Variants in GHR observed in about 807,000 individuals in gnomAD.
GHR encodes the protein growth hormone receptor.
A neutral mutation model predicts 67.1 loss-of-function variants in GHR; 35 were observed. That is an observed-to-expected ratio of 0.52 (90% CI 0.40 to 0.69). The LOEUF (loss-of-function observed/expected upper bound fraction) is 0.69. Among genes scored for constraint, GHR ranks in the 30% least tolerant of loss-of-function variants. The pLI, the probability that GHR is intolerant of heterozygous loss-of-function variation, is 0.00. For synonymous variants in GHR, 272 were observed against 269.1 expected, an observed-to-expected ratio of 1.01 and a Z score of -0.10; for missense variants, 792 against 764.6, an observed-to-expected ratio of 1.04 and a Z score of -0.42.
intron 2 of GHR, among the ~76,000 whole-genome samples, chr5:42,573,633 A>C (rs535982947): frequency 6.6e-6 from 1 of 152,118 alleles, no homozygotes; most frequent in African/African-American, 2.4e-5. Flanking sequence ...CCCAAATCCA[A>C]ATTTTCTTTG....
In GHR at chr5:42,465,607, G is replaced by T. The variant is rs553210860; in HGVS notation, c.-12+41652G>T. On this transcript the variant is annotated intron_variant, in intron 1 of 9. Transcript: ENST00000230882. ...AAGATATTTGTTTCTGAATGTATTT[G>T]GGGGACTCTGTTAATTCATCTTTGA... 53 of 1,101,378 alleles carry T rather than the reference G, an allele frequency of 4.8e-5. No homozygotes were observed. In the African/African-American group the frequency reaches 7.2e-4, roughly 15 times the overall value. 68.2% of individuals were successfully genotyped at this position (1,101,378 alleles called of 1,614,324 possible).
At chr5:42,631,255 G>A (rs1301013385) in intron 3 of GHR, among the ~76,000 whole-genome samples, 3 of 152,240 alleles carry the variant, frequency 2.0e-5, no homozygotes, top group Non-Finnish European at 2.9e-5. Flanking sequence ...TTCATGATAC[G>A]TAAGACGACT....
intron 2 of GHR, among the ~76,000 whole-genome samples, chr5:42,570,125 C>T (rs775907062): frequency 6.6e-6 from 1 of 152,154 alleles, no homozygotes; most frequent in Non-Finnish European, 1.5e-5. Flanking sequence ...ATATTTCACA[C>T]AAGTATTAGA....
chr5:42,577,242 A>T (rs1750798940), intron 2 of GHR, among the ~76,000 whole-genome samples: 2 of 152,210 alleles, frequency 1.3e-5, no homozygotes, highest in Admixed American at 1.3e-4. Context: ...TTGAATGACT[A>T]ATTCAGCAAA....
intron 1 of GHR, among the ~76,000 whole-genome samples, chr5:42,555,767 CGTGA>C (rs1222977069): frequency 6.6e-6 from 1 of 152,122 alleles, no homozygotes; most frequent in African/African-American, 2.4e-5. Flanking sequence ...AGGATGTAAT[CGTGA>C]GTGAGACACA....
chr5:42,709,362 C>G (rs946552495), intron 6 of GHR, among the ~76,000 whole-genome samples: 2 of 152,156 alleles, frequency 1.3e-5, no homozygotes, highest in East Asian at 1.9e-4. Context: ...AGACTGGTCT[C>G]GAACTCCTGA....
intron 2 of GHR, among the ~76,000 whole-genome samples, chr5:42,581,176 C>T (rs901005867): frequency 6.6e-6 from 1 of 152,188 alleles, no homozygotes; most frequent in African/African-American, 2.4e-5. Flanking sequence ...AGAGTCAGAA[C>T]GGAATTGAAA....
At chr5:42,493,683 A>AACCTC (rs546257081) in intron 1 of GHR, among the ~76,000 whole-genome samples, 1 of 152,208 alleles carries the variant, frequency 6.6e-6, no homozygotes, top group Non-Finnish European at 1.5e-5. Flanking sequence ...CTAAAAGTTC[A>AACCTC]ACTTTTGTAT....
rs540285486 is a variant in GHR at position 42,519,667 on chromosome 5, T to A, written c.-11-46197T>A. On this transcript the variant is annotated intron_variant, in intron 1 of 9. Transcript: ENST00000230882. ...TCTAAAAAAATGTCATGGTTATATG[T>A]TGGCATTGACCCCTTATCTACATTT... 9.8e-5 allele frequency among the ~76,000 whole-genome samples: 15 copies of A among 152,338 alleles called. No homozygotes were observed. In the South Asian group the frequency reaches 2.7e-3, roughly 27 times the overall value.
chr5:42,497,989 T>C (rs904665167), intron 1 of GHR, among the ~76,000 whole-genome samples: 13 of 152,168 alleles, frequency 8.5e-5, no homozygotes, highest in Admixed American at 8.5e-4. Context: ...CATTTTGCCA[T>C]AATTTTGCCA....
In GHR at chr5:42,674,579, C is replaced by A. The variant is rs115495798; in HGVS notation, c.137-14311C>A. On this transcript the variant is annotated intron_variant, in intron 3 of 9. Transcript: ENST00000230882. ...TCTCTCTGTATGTGACTATTCTTAA[C>A]ATTTCATGTAAATCAGATACTATAA... Among the ~76,000 whole-genome samples the A allele has an allele frequency of 4.7e-3, 711 of 152,254 alleles. 6 individuals carry two copies. Among genetic ancestry groups the A allele is most frequent in the African/African-American group, 0.016 (682 of 41,540 alleles).
At chr5:42,482,391 A>G (rs1252062453) in intron 1 of GHR, among the ~76,000 whole-genome samples, 1 of 152,148 alleles carries the variant, frequency 6.6e-6, no homozygotes, top group East Asian at 1.9e-4. Context: ...TGGGAGAACC[A>G]CTACTTTCTT....
chr5:42,521,820 C>A (rs1747487080), intron 1 of GHR, among the ~76,000 whole-genome samples: 1 of 152,068 alleles, frequency 6.6e-6, no homozygotes, highest in Non-Finnish European at 1.5e-5. Context: ...TTAACTATAT[C>A]AAAAATGGAG....
chr5:42,614,393 C>A (rs1166303383), intron 2 of GHR, among the ~76,000 whole-genome samples: 2 of 151,644 alleles, frequency 1.3e-5, no homozygotes, highest in African/African-American at 4.8e-5. Flanking sequence ...GCTTCTCAAA[C>A]TTTAAGGCAC....
At chr5:42,667,954 T>C (rs956667078) in intron 3 of GHR, among the ~76,000 whole-genome samples, 1 of 152,224 alleles carries the variant, frequency 6.6e-6, no homozygotes, top group Non-Finnish European at 1.5e-5. Context: ...GCAATTATTA[T>C]CTTTAACTGC....
intron 1 of GHR, among the ~76,000 whole-genome samples, chr5:42,520,432 A>G (rs1314691476): frequency 6.6e-6 from 1 of 152,108 alleles, no homozygotes; most frequent in African/African-American, 2.4e-5. Flanking sequence ...GTTAGTTGCA[A>G]TGCCTTTTAT....
intron 2 of GHR, among the ~76,000 whole-genome samples, chr5:42,578,284 A>T (rs1750875498): frequency 1.3e-5 from 2 of 152,220 alleles, no homozygotes; most frequent in Admixed American, 1.3e-4. Context: ...TTGAACTGAC[A>T]GTCCCCAGGA....
chr5:42,545,644 CT>C (rs1748703279), intron 1 of GHR, among the ~76,000 whole-genome samples: 1 of 152,160 alleles, frequency 6.6e-6, no homozygotes, highest in African/African-American at 2.4e-5. Context: ...GCTTGAAATT[CT>C]GTTTGAAGTG....
rs1377450091 is a variant in GHR at position 42,479,288 on chromosome 5, A to G, written c.-12+55333A>G. Among the ~76,000 whole-genome samples the G allele has an allele frequency of 1.3e-5, 2 of 152,280 alleles. 1 individual carries two copies. Among genetic ancestry groups the G allele is most frequent in the South Asian group, 4.1e-4 (2 of 4,826 alleles). On this transcript the variant is annotated intron_variant, in intron 1 of 9. Coordinates refer to ENST00000230882, the MANE Select transcript of GHR (RefSeq NM_000163.5). ...GATGTGCTGCTGGATTCGGTTTGCCAGTATTTTATTGAGAATTTTTGCATC... is the reference window on the plus strand; with the variant it reads ...GATGTGCTGCTGGATTCGGTTTGCCGGTATTTTATTGAGAATTTTTGCATC...
Sources: allele counts gnomAD v4.1 joint callset (sites outside exome capture counted in the v4.1 genomes callset), GRCh38; gene constraint gnomAD v4.1.1; transcripts MANE v1.5; gene names NCBI Gene and HGNC (gene_info 2026-07-23, HGNC 2026-07-21).